NTM: variants seen among roughly 807,000 people sequenced by gnomAD.
NTM encodes neurotrimin, also known as IgLON family member 2.
NTM carries 13 observed loss-of-function variants against 42.1 expected under a neutral mutation model. The observed-to-expected ratio is 0.31, with a 90% CI of 0.20 to 0.49. NTM has a LOEUF of 0.49. Ranked by LOEUF, NTM falls within the 20% of genes least tolerant of loss-of-function variation. NTM has a pLI of 0.99. For synonymous variants in NTM, 187 were observed against 179.2 expected, an observed-to-expected ratio of 1.04 and a Z score of -0.35; for missense variants, 373 against 452.8, an observed-to-expected ratio of 0.82 and a Z score of 1.60.
intron 4 of NTM, among the ~76,000 whole-genome samples, chr11:132,275,114 T>C (rs2093655077): frequency 6.6e-6 from 1 of 152,142 alleles, no homozygotes; most frequent in South Asian, 2.1e-4. Flanking sequence ...GATCTTTGGC[T>C]ACCCTAAGGT....
At chr11:131,609,115 T>TGAACCTCG (rs1413254138) in intron 1 of NTM, among the ~76,000 whole-genome samples, 5 of 152,254 alleles carry the variant, frequency 3.3e-5, no homozygotes, top group African/African-American at 9.6e-5. Context: ...CAGTTTTCTC[T>TGAACCTCG]GAACCTCGGG....
chr11:132,193,013 G>A (rs1049422301), intron 3 of NTM, among the ~76,000 whole-genome samples: 23 of 152,190 alleles, frequency 1.5e-4, no homozygotes, highest in Admixed American at 1.3e-3. Flanking sequence ...CAACTTCTTA[G>A]AGATCTACAA....
At chr11:132,060,820 T>C (rs532800989) in intron 2 of NTM, among the ~76,000 whole-genome samples, 23 of 152,322 alleles carry the variant, frequency 1.5e-4, no homozygotes, top group Admixed American at 1.4e-3. Flanking sequence ...TAATCTTTTT[T>C]GATTTTACAT....
chr11:131,671,362 G>A, intron 1 of NTM: 1 of 915,678 alleles, frequency 1.1e-6, no homozygotes, highest in Non-Finnish European at 1.3e-6. Flanking sequence ...CTTTATTTAT[G>A]GAAGGCCAGG....
intron 2 of NTM, among the ~76,000 whole-genome samples, chr11:131,995,042 G>A (rs1053782420): frequency 1.3e-5 from 2 of 151,986 alleles, no homozygotes. Flanking sequence ...TTGCATTATT[G>A]AAATGAGCCA....
intron 1 of NTM, among the ~76,000 whole-genome samples, chr11:131,758,717 C>G (rs565598625): frequency 3.3e-5 from 5 of 151,996 alleles, no homozygotes; most frequent in African/African-American, 1.2e-4. Flanking sequence ...CTCTGCCTCC[C>G]GAGTAGCTGG....
intron 2 of NTM, among the ~76,000 whole-genome samples, chr11:132,085,711 A>G (rs2059619576): frequency 6.6e-6 from 1 of 152,192 alleles, no homozygotes; most frequent in South Asian, 2.1e-4. Flanking sequence ...CACATCACAT[A>G]TATAACTACA....
chr11:131,579,535 C>G (rs2058216361), intron 1 of NTM, among the ~76,000 whole-genome samples: 1 of 152,148 alleles, frequency 6.6e-6, no homozygotes, highest in Non-Finnish European at 1.5e-5. Context: ...AATATGTGAG[C>G]AAACAAAATA....
chr11:132,167,136 G>A (rs1415128683), intron 3 of NTM, among the ~76,000 whole-genome samples: 1 of 152,196 alleles, frequency 6.6e-6, no homozygotes, highest in Non-Finnish European at 1.5e-5. Context: ...AGCGCTTGCT[G>A]TATGCCAGTT....
At chr11:132,252,959 G>A (rs2092118916) in intron 4 of NTM, among the ~76,000 whole-genome samples, 1 of 152,192 alleles carries the variant, frequency 6.6e-6, no homozygotes, top group Non-Finnish European at 1.5e-5. Flanking sequence ...CCAGACTTGT[G>A]TGACAAAGAT....
chr11:132,164,135 A>G (rs1005316844), intron 3 of NTM, among the ~76,000 whole-genome samples: 2 of 152,210 alleles, frequency 1.3e-5, no homozygotes, highest in Non-Finnish European at 2.9e-5. Flanking sequence ...AACAAAATAC[A>G]ATATGGTGGG....
At chr11:131,930,858 G>A (rs11825394) in intron 2 of NTM, among the ~76,000 whole-genome samples, 10,252 of 152,180 alleles carry the variant, frequency 0.067, 1,163 homozygotes, top group African/African-American at 0.23. Context: ...AATTAACGTA[G>A]TCCTGAATGT....
intron 4 of NTM, among the ~76,000 whole-genome samples, chr11:132,239,160 T>C (rs1423646700): frequency 2.6e-5 from 4 of 152,230 alleles, no homozygotes; most frequent in African/African-American, 9.6e-5. Context: ...GAGAACATTG[T>C]AGTCCTAAAA....
intron 1 of NTM, among the ~76,000 whole-genome samples, chr11:131,475,017 C>A (rs1055680191): frequency 2.6e-5 from 4 of 152,098 alleles, no homozygotes; most frequent in Non-Finnish European, 5.9e-5. Context: ...CTTGTAATTA[C>A]CCCAAACAAT....
At chr11:131,762,008 C>T (rs2084290289) in intron 1 of NTM, among the ~76,000 whole-genome samples, 1 of 152,134 alleles carries the variant, frequency 6.6e-6, no homozygotes. Flanking sequence ...TGGCATGGCA[C>T]CTTGATCTTG....
At chr11:131,416,761 G>T (rs760108456) in intron 1 of NTM, among the ~76,000 whole-genome samples, 4 of 152,168 alleles carry the variant, frequency 2.6e-5, no homozygotes, top group Admixed American at 2.0e-4. Flanking sequence ...CAGATTTAAA[G>T]TCTTGTTTTT....
chr11:131,785,647 A>G (rs2089024228), intron 1 of NTM, among the ~76,000 whole-genome samples: 1 of 152,228 alleles, frequency 6.6e-6, no homozygotes, highest in African/African-American at 2.4e-5. Context: ...TGAACAAGGC[A>G]GAAATCTTGC....
chr11:132,046,489 A>G (rs1344624716), intron 2 of NTM, among the ~76,000 whole-genome samples: 1 of 152,176 alleles, frequency 6.6e-6, no homozygotes, highest in Non-Finnish European at 1.5e-5. Flanking sequence ...TCTCTGAATA[A>G]ACATAAGCCT....
At chr11:131,675,014 C>T (rs750893493) in intron 1 of NTM, among the ~76,000 whole-genome samples, 4 of 152,232 alleles carry the variant, frequency 2.6e-5, no homozygotes, top group Non-Finnish European at 4.4e-5. Context: ...TATTTGAAGA[C>T]TCTTTTCTTT....
Sources: gnomAD v4.1 joint callset for allele counts (sites outside exome capture counted in the v4.1 genomes callset) on GRCh38, gnomAD v4.1.1 for gene constraint, MANE v1.5 for transcripts, NCBI Gene and HGNC (gene_info 2026-07-23, HGNC 2026-07-21) for gene names.